COL11A2: variants seen among roughly 807,000 people sequenced by gnomAD.
The protein encoded by COL11A2 is collagen type XI alpha 2 chain.
COL11A2 carries 116 observed loss-of-function variants against 273.4 expected under a neutral mutation model. That is an observed-to-expected ratio of 0.42 (90% confidence interval 0.36 to 0.49). The LOEUF is 0.49. Ranked by LOEUF, COL11A2 falls within the 20% of genes least tolerant of loss-of-function variation. COL11A2 has a pLI of 0.00. For synonymous variants in COL11A2, 782 were observed against 864.2 expected (o/e 0.90, Z 1.67); for missense variants, 1,866 against 2,309.0 (o/e 0.81, Z 3.93).
chr6:33,181,438 A>AGG (rs1383442628), intron 8 of COL11A2, among the ~76,000 whole-genome samples: 1 of 152,082 alleles, frequency 6.6e-6, no homozygotes, highest in Non-Finnish European at 1.5e-5. Flanking sequence ...TCTTTCAGGA[A>AGG]GGTCCCCAGA....
chr6:33,167,945 GCACA>G lies in COL11A2; in HGVS notation c.3961-97_3961-94del. 1 of 1,333,366 alleles carries G rather than the reference GCACA, an allele frequency of 7.5e-7. No individual in the cohort carries two copies. Among genetic ancestry groups the G allele is most frequent in the Non-Finnish European group, 1.1e-6 (1 of 938,212 alleles). 82.6% of individuals were successfully genotyped at this position (1,333,366 alleles called of 1,614,324 possible). A position where few individuals can be genotyped will look rare whatever the true frequency, so the allele number is the denominator to read the frequency against. The stretch of plus-strand genomic sequence containing the variant: ...CTGTCCTAGACACACACATACACAT[GCACA>G]CACACACGTGCATACACAGGGACAC... On this transcript the variant is annotated intron_variant, in intron 54 of 65. Coordinates refer to ENST00000341947, the MANE Select transcript of COL11A2 (RefSeq NM_080680.3). The surrounding 1 kb of genome is among the most constrained non-coding windows in gnomAD (Gnocchi z 6.1).
At position 33,192,428 on chromosome 6, in the gene COL11A2, C is replaced by T; in HGVS notation, c.-188G>A. 3 of 630,882 alleles carry T rather than the reference C, an allele frequency of 4.8e-6. No homozygotes were observed. The South Asian group carries it at 5.5e-5, about 12-fold the overall frequency. 39.1% of individuals were successfully genotyped at this position (630,882 alleles called of 1,614,324 possible). A position where few individuals can be genotyped will look rare whatever the true frequency, so the allele number is the denominator to read the frequency against. On this transcript the variant is annotated 5_prime_UTR_variant, in exon 1 of 66. Coordinates refer to ENST00000341947, the MANE Select transcript of COL11A2 (RefSeq NM_080680.3). ...CATGCAGCAAGGCGCCGTCGGGGCT[C>T]CCGGCACTGCTCCCTCCTCGGTGGC...
rs1771130950 is a variant in COL11A2 at position 33,177,764 on chromosome 6, T to C, written c.1873-58A>G. 1.9e-6 allele frequency: 3 copies of C among 1,594,320 alleles called. No homozygotes were observed. Among genetic ancestry groups the C allele is most frequent in the Admixed American group, 3.3e-5 (2 of 59,824 alleles). ...GGTGGCCCGGAGGGACCTGTGGTTT[T>C]CAGAGGCCCGGCCATTCCCGAGGGT... On this transcript the variant is annotated intron_variant, in intron 21 of 65. Transcript: ENST00000341947. The surrounding 1 kb of genome is among the most constrained non-coding windows in gnomAD (Gnocchi z 5.9).
At position 33,174,019 on chromosome 6, in the gene COL11A2, C is replaced by T; in HGVS notation, c.2521G>A (p.Gly841Ser). The change falls in exon 33 of 66, where the codon GGC (glycine) becomes AGC (serine). Residue 841 changes from glycine (G) to serine (S), a missense_variant. Transcript: ENST00000341947. ...SGKSGPRGER[G>S]PTGPRGQRGP... ...CTCTCCCCTGCACTCACCGTGGGGC[C>T]CCGTTCTCCCCGAGGCCCTGACTTC... 1.2e-6 allele frequency: 2 copies of T among 1,614,002 alleles called. No homozygotes were observed. The highest frequency in any genetic ancestry group is 1.7e-6 in the Non-Finnish European group (2 of 1,179,990).
Position 33,189,485 on chromosome 6 carries a change from A to T in COL11A2, c.83-16T>A, listed in dbSNP as rs755379603. 6.2e-7 allele frequency: 1 copy of T among 1,612,896 alleles called. No homozygotes were observed. The highest frequency in any genetic ancestry group is 8.5e-7 in the Non-Finnish European group (1 of 1,179,906). On this transcript the variant is annotated splice_polypyrimidine_tract_variant and intron_variant, in intron 1 of 65. Coordinates refer to ENST00000341947, the MANE Select transcript of COL11A2 (RefSeq NM_080680.3). The surrounding 1 kb of genome is among the most constrained non-coding windows in gnomAD (Gnocchi z 5.6). ...GGGGGTGCACCTGGGAGAGTCCATG[A>T]TTATCAGGAGAAGGGACATGCCCTC...
rs536659371 is a variant in COL11A2, at chr6:33,172,611, C to G, written c.2817G>C (p.Met939Ile). 3.7e-6 allele frequency: 6 copies of G among 1,612,718 alleles called. No individual in the cohort carries two copies. Among genetic ancestry groups the G allele is most frequent in the South Asian group, 3.3e-5 (3 of 91,074 alleles). Residue 939 changes from methionine (M) to isoleucine (I), a missense_variant, in exon 39 of 66, where the codon ATG becomes ATC. Met to Ile is a conservative substitution (Grantham distance 10). Transcript: ENST00000341947. ...GGGGGCCTGGGTGACCTCTCTCCCC[C>G]ATAGGGCCGGTTTCTCCTGCTGCTC... ...PQGAAGETGP[M>I]GERGHPGPPG... is the part of the protein sequence containing the mutation.
At position 33,167,709 on chromosome 6, in the gene COL11A2, G is replaced by A. The variant is rs1040927226; in HGVS notation, c.4014+90C>T. On this transcript the variant is annotated intron_variant, in intron 55 of 65. Transcript: ENST00000341947. The surrounding 1 kb of genome is among the most constrained non-coding windows in gnomAD (Gnocchi z 6.1). Reference sequence around the variant, plus strand: ...CCCATAAGGGCCCAACATGGGAGAGGTGGAGATGGGGTGGGCATCTGGAGA... The same window carrying A: ...CCCATAAGGGCCCAACATGGGAGAGATGGAGATGGGGTGGGCATCTGGAGA... The A allele has an allele frequency of 7.2e-6, 11 of 1,530,124 alleles. No homozygotes were observed. Among genetic ancestry groups the A allele is most frequent in the Non-Finnish European group, 9.9e-6 (11 of 1,111,940 alleles). 94.8% of individuals were successfully genotyped at this position (1,530,124 alleles called of 1,614,324 possible).
At chr6:33,168,202 A>G (rs1414521525) in intron 54 of COL11A2, among the ~76,000 whole-genome samples, 1 of 152,042 alleles carries the variant, frequency 6.6e-6, no homozygotes, top group African/African-American at 2.4e-5. Flanking sequence ...ACCCCTGGTG[A>G]AAACATACAC....
In COL11A2 at chr6:33,170,509, AG is replaced by A. The variant is rs759784423; in HGVS notation, c.3528+47del. ...GGTGTGGGGTGGGGGCTGGCCAGGG[AG>A]GGGGGTGACTAGTATGGTGGCTAGG... On this transcript the variant is annotated intron_variant, in intron 47 of 65. Transcript: ENST00000341947. This position sits in a 1 kb window ranked among gnomAD's most constrained non-coding sequence, Gnocchi z 4.3. 7 of 1,456,596 alleles carry A rather than the reference AG, an allele frequency of 4.8e-6. No individual in the cohort carries two copies. Among genetic ancestry groups the A allele is most frequent in the Admixed American group, 1.8e-5 (1 of 54,818 alleles). 90.2% of individuals were successfully genotyped at this position (1,456,596 alleles called of 1,614,324 possible).
chr6:33,180,213 T>C (rs1174078673), intron 12 of COL11A2, 45 bp downstream of exon 12: 2 of 1,569,668 alleles, frequency 1.3e-6, no homozygotes, highest in South Asian at 2.2e-5. Context: ...ACACAATTCC[T>C]TGTCTTCCCC....
intron 4 of COL11A2, among the ~76,000 whole-genome samples, chr6:33,187,064 G>C (rs1460318681): frequency 6.6e-6 from 1 of 152,154 alleles, no homozygotes; most frequent in East Asian, 1.9e-4. Context: ...GTTCCATTCA[G>C]AAAAGCCCAA....
In COL11A2 at chr6:33,169,741, T is replaced by A; in HGVS notation, c.3690+90A>T. 6.6e-7 allele frequency: 1 copy of A among 1,505,288 alleles called. No individual in the cohort carries two copies. The highest frequency in any genetic ancestry group is 1.1e-5 in the South Asian group (1 of 88,896). 93.2% of individuals were successfully genotyped at this position (1,505,288 alleles called of 1,614,324 possible). A position where few individuals can be genotyped will look rare whatever the true frequency, so the allele number is the denominator to read the frequency against. ...AGCAGAGACTCTTGCTGCAGAGGAG[T>A]TCCAGCTCAAGGAGGTCACAGGAAA... is the stretch of plus-strand genomic sequence containing the variant. On this transcript the variant is annotated intron_variant, in intron 50 of 65. Coordinates refer to ENST00000341947, the MANE Select transcript of COL11A2 (RefSeq NM_080680.3). This position sits in a 1 kb window ranked among gnomAD's most constrained non-coding sequence, Gnocchi z 5.5.
chr6:33,186,377 C>G, intron 5 of COL11A2: 1 of 1,409,598 alleles, frequency 7.1e-7, no homozygotes, highest in Non-Finnish European at 9.2e-7. Context: ...AGGGAAAACC[C>G]AGGGACACAG....
Position 33,176,801 on chromosome 6 carries a change from CCT to C in COL11A2, c.2071-38_2071-37del. 1 of 1,606,796 alleles carries C rather than the reference CCT, an allele frequency of 6.2e-7. No individual in the cohort carries two copies. Among genetic ancestry groups the C allele is most frequent in the Non-Finnish European group, 8.5e-7 (1 of 1,176,338 alleles). On this transcript the variant is annotated intron_variant, in intron 25 of 65. Coordinates refer to ENST00000341947, the MANE Select transcript of COL11A2 (RefSeq NM_080680.3). The surrounding 1 kb of genome is among the most constrained non-coding windows in gnomAD (Gnocchi z 4.9). ...GGGATAGAAAATGTGACCAGTGGCCCCTGTCACCCTCTCTGCACCCCTCCCTA... is the reference window on the plus strand; with the variant it reads ...GGGATAGAAAATGTGACCAGTGGCCCGTCACCCTCTCTGCACCCCTCCCTA...
rs770085839 is a variant in COL11A2 at position 33,167,120 on chromosome 6, G to A, written c.4180C>T (p.Pro1394Ser). Reference protein sequence around the residue: ...GQAGPPGPVGPPGLPGLRGDA... With the variant: ...GQAGPPGPVGSPGLPGLRGDA... ...CCCCGGAGACCAGGCAGCCCTGGGG[G>A]TCCCTGTGGAGAGATGGGAAGTCAT... Residue 1394 changes from proline (P) to serine (S), a missense_variant, in exon 58 of 66, where the codon CCC (proline) becomes TCC (serine). Physicochemically the swap from Pro to Ser is moderately conservative, Grantham distance 74. Transcript: ENST00000341947. This position sits in a 1 kb window ranked among gnomAD's most constrained non-coding sequence, Gnocchi z 6.1. 9 of 1,614,128 alleles carry A rather than the reference G, an allele frequency of 5.6e-6. No homozygotes were observed. In the South Asian group the frequency reaches 8.8e-5, roughly 16 times the overall value.
rs1030394070 is a variant in COL11A2 at position 33,170,193 on chromosome 6, T to C, written c.3583-93A>G. 66 of 1,589,250 alleles carry C rather than the reference T, an allele frequency of 4.2e-5. No homozygotes were observed. The highest frequency in any genetic ancestry group is 5.4e-5 in the Non-Finnish European group (63 of 1,158,848). On this transcript the variant is annotated intron_variant, in intron 48 of 65. Transcript: ENST00000341947. The surrounding 1 kb of genome is among the most constrained non-coding windows in gnomAD (Gnocchi z 4.3). ...GATGAGCAGCCCAAGGTTACAGCAG[T>C]GAGGCAGTGGAGGCCTCCCGGGAGT...
At chr6:33,172,259 G>A (rs770203624) in intron 40 of COL11A2, 30 bp downstream of exon 40, 1 of 1,583,810 alleles carries the variant, frequency 6.3e-7, no homozygotes, top group East Asian at 2.3e-5. Flanking sequence ...TGGTGCTTGT[G>A]ACAGGCAGGG....
rs961448536 is a variant in COL11A2 at position 33,170,693 on chromosome 6, C to A, written c.3475-83G>T. ...AGGCAGATAGGCCCCACAGTCCCCT[C>A]CCCTCAGACTCCGCAGGCCCTCCAG... On this transcript the variant is annotated intron_variant, in intron 46 of 65. Coordinates refer to ENST00000341947, the MANE Select transcript of COL11A2 (RefSeq NM_080680.3). The surrounding 1 kb of genome is among the most constrained non-coding windows in gnomAD (Gnocchi z 4.3). The A allele has an allele frequency of 6.7e-7, 1 of 1,498,922 alleles. No homozygotes were observed. The highest frequency in any genetic ancestry group is 1.6e-5 in the African/African-American group (1 of 64,096). 92.9% of individuals were successfully genotyped at this position (1,498,922 alleles called of 1,614,324 possible).
chr6:33,168,956 C>T lies in COL11A2; in HGVS notation c.3851G>A (p.Arg1284Gln), dbSNP rs773296454. The change falls in exon 52 of 66, where the codon CGG becomes CAG. Residue 1284 changes from arginine (R) to glutamine (Q), a missense_variant and splice_region_variant. Transcript: ENST00000341947. ...DPGPPGEGGP[R>Q]GQDGAKGDRG... ...TTCCCTTCTCTGAGTAAGACTCACC[C>T]GAGGGCCACCTTCTCCAGGGGGGCC... 55 of 1,609,582 alleles carry T rather than the reference C, an allele frequency of 3.4e-5. No individual in the cohort carries two copies. The highest frequency in any genetic ancestry group is 4.2e-5 in the Non-Finnish European group (49 of 1,178,230).
Sources: allele counts gnomAD v4.1 joint callset (sites outside exome capture counted in the v4.1 genomes callset), GRCh38; gene constraint gnomAD v4.1.1; non-coding constraint Gnocchi (gnomAD v3.1); transcripts MANE v1.5; gene names NCBI Gene and HGNC (gene_info 2026-07-23, HGNC 2026-07-21).